MYRIP: variants seen among roughly 807,000 people sequenced by gnomAD.
MYRIP encodes the protein rab effector MyRIP.
In MYRIP, 49 loss-of-function variants were observed where a neutral mutation model predicts 98.0. The observed-to-expected ratio is 0.50, with a 90% CI of 0.40 to 0.63. MYRIP has a LOEUF of 0.63. Among genes scored for constraint, MYRIP ranks in the 30% least tolerant of loss-of-function variants. The pLI, the probability that MYRIP is intolerant of heterozygous loss-of-function variation, is 0.00. For synonymous variants in MYRIP, 404 were observed against 409.5 expected, an observed-to-expected ratio of 0.99 and a Z score of 0.16; for missense variants, 1,004 against 1,058.2, an observed-to-expected ratio of 0.95 and a Z score of 0.71.
At chr3:40,245,650 C>CA (rs1230060850) in intron 13 of MYRIP, among the ~76,000 whole-genome samples, 997 of 62,446 alleles carry the variant, frequency 0.016, 9 homozygotes, top group South Asian at 0.025. Flanking sequence ...ACTCCATCTC[C>CA]AAAAAAAAAA....
At chr3:39,827,431 C>T (rs1437417176) in intron 1 of MYRIP, among the ~76,000 whole-genome samples, 1 of 152,130 alleles carries the variant, frequency 6.6e-6, no homozygotes, top group East Asian at 1.9e-4. Context: ...TTTTTTTAAT[C>T]CATTCAGCCA....
At chr3:40,015,602 T>A (rs1946846647) in intron 2 of MYRIP, among the ~76,000 whole-genome samples, 2 of 152,174 alleles carry the variant, frequency 1.3e-5, no homozygotes, top group Admixed American at 1.3e-4. Context: ...AAGGGTTGGG[T>A]GCCACAGGCT....
intron 3 of MYRIP, among the ~76,000 whole-genome samples, chr3:40,052,343 C>T (rs564742336): frequency 6.6e-6 from 1 of 152,254 alleles, no homozygotes; most frequent in African/African-American, 2.4e-5. Flanking sequence ...CCAGTTTCAT[C>T]CATGTTGCTG....
chr3:40,097,706 T>C (rs1195724277), intron 3 of MYRIP, among the ~76,000 whole-genome samples: 1 of 152,172 alleles, frequency 6.6e-6, no homozygotes, highest in African/African-American at 2.4e-5. Flanking sequence ...TGAGGAAGTG[T>C]CCCACGGGAT....
chr3:39,841,837 C>T (rs1941808746), intron 1 of MYRIP, among the ~76,000 whole-genome samples: 1 of 152,184 alleles, frequency 6.6e-6, no homozygotes, highest in African/African-American at 2.4e-5. Context: ...AAGCTTCAAC[C>T]TAGAGGGGCA....
chr3:40,078,848 G>A (rs997617759), intron 3 of MYRIP, among the ~76,000 whole-genome samples: 36 of 152,222 alleles, frequency 2.4e-4, no homozygotes, highest in African/African-American at 8.4e-4. Context: ...TTCTGCTGAA[G>A]GAGACAGGGG....
At chr3:39,958,338 C>T (rs1228430950) in intron 2 of MYRIP, among the ~76,000 whole-genome samples, 9 of 151,922 alleles carry the variant, frequency 5.9e-5, no homozygotes, top group Non-Finnish European at 1.0e-4. Context: ...GAGATATAGA[C>T]TGATGGAACA....
At chr3:39,902,758 A>T (rs1943774134) in intron 2 of MYRIP, among the ~76,000 whole-genome samples, 1 of 152,202 alleles carries the variant, frequency 6.6e-6, no homozygotes, top group Non-Finnish European at 1.5e-5. Context: ...CCTTAGCTCC[A>T]TTGCAGAGTC....
At chr3:39,895,944 CACGT>C (rs1363696855) in intron 1 of MYRIP, among the ~76,000 whole-genome samples, 10 of 151,862 alleles carry the variant, frequency 6.6e-5, no homozygotes, top group African/African-American at 2.4e-4. Context: ...TGTGCGCGTG[CACGT>C]ACGCATATAC....
At chr3:39,943,934 C>G (rs962828003) in intron 2 of MYRIP, among the ~76,000 whole-genome samples, 2 of 151,986 alleles carry the variant, frequency 1.3e-5, no homozygotes, top group African/African-American at 4.8e-5. Context: ...GTCATGTGGT[C>G]TGGGAAAGAG....
rs1182252840 is a variant in MYRIP, at chr3:40,005,210, C to A, written c.111-38840C>A. Among the ~76,000 whole-genome samples, 7 of 152,322 alleles carry A rather than the reference C, an allele frequency of 4.6e-5. No homozygotes were observed. In the East Asian group the frequency reaches 1.3e-3, roughly 29 times the overall value. On this transcript the variant is annotated intron_variant, in intron 2 of 16. Transcript: ENST00000302541. Reference sequence around the variant, plus strand: ...ATGGGCACCTAGATTGATTGCTATTCTTTGCTATTGCCTAATTTCCACACT... The same window carrying A: ...ATGGGCACCTAGATTGATTGCTATTATTTGCTATTGCCTAATTTCCACACT...
chr3:39,851,682 T>C (rs28539759), intron 1 of MYRIP, among the ~76,000 whole-genome samples: 29,674 of 152,120 alleles, frequency 0.2, 3,008 homozygotes, highest in South Asian at 0.29. Flanking sequence ...GTTTTCAGCT[T>C]CTAGCCCTGT....
intron 11 of MYRIP, among the ~76,000 whole-genome samples, chr3:40,225,439 T>A (rs150878501): frequency 1.3e-5 from 2 of 152,338 alleles, no homozygotes; most frequent in East Asian, 3.9e-4. Flanking sequence ...CTCTTCCTGA[T>A]CTGTTGTTCA....
At chr3:40,173,061 G>C (rs1394412621) in intron 8 of MYRIP, 1 of 152,166 alleles carries the variant, frequency 6.6e-6, no homozygotes, top group Non-Finnish European at 1.5e-5. Context: ...GTATGGGAAG[G>C]GGGTCATCAC....
intron 3 of MYRIP, among the ~76,000 whole-genome samples, chr3:40,063,785 A>G (rs2125851298): frequency 6.6e-6 from 1 of 152,338 alleles, no homozygotes; most frequent in South Asian, 2.1e-4. Context: ...GTCAAGGTTA[A>G]AGAGATGAAT....
intron 4 of MYRIP, among the ~76,000 whole-genome samples, chr3:40,156,643 T>C (rs975992380): frequency 2.6e-5 from 4 of 151,540 alleles, no homozygotes; most frequent in African/African-American, 9.7e-5. Context: ...TGTTCTTCCA[T>C]TTGTTTGTAT....
At chr3:40,125,638 C>T (rs982956048) in intron 3 of MYRIP, among the ~76,000 whole-genome samples, 2 of 152,174 alleles carry the variant, frequency 1.3e-5, no homozygotes, top group East Asian at 1.9e-4. Context: ...TGACCTTGGT[C>T]ATCTTATGCC....
At chr3:40,162,558 G>T (rs971704387) in intron 4 of MYRIP, among the ~76,000 whole-genome samples, 172 bp from the exon 5 acceptor site, 1 of 152,188 alleles carries the variant, frequency 6.6e-6, no homozygotes, top group East Asian at 1.9e-4. Flanking sequence ...AAAGCAATGG[G>T]TCAAAACTGT....
chr3:40,103,347 A>G (rs1425376976), intron 3 of MYRIP, among the ~76,000 whole-genome samples: 1 of 152,254 alleles, frequency 6.6e-6, no homozygotes, highest in Non-Finnish European at 1.5e-5. Context: ...ATACTCTTAA[A>G]GACCCAGATG....
Sources: gnomAD v4.1 joint callset for allele counts (sites outside exome capture counted in the v4.1 genomes callset) on GRCh38, gnomAD v4.1.1 for gene constraint, MANE v1.5 for transcripts, NCBI Gene and HGNC (gene_info 2026-07-23, HGNC 2026-07-21) for gene names.